Variants in KCNIP3 observed in about 807,000 individuals in gnomAD.
KCNIP3 encodes the protein potassium voltage-gated channel interacting protein 3.
A neutral mutation model predicts 35.0 loss-of-function variants in KCNIP3; 28 were observed. That is an observed-to-expected ratio of 0.80 (90% CI 0.59 to 1.10). KCNIP3 has a LOEUF of 1.10. Among genes scored for constraint, KCNIP3 ranks in the 50% least tolerant of loss-of-function variants. The pLI is 0.00. For missense variants in KCNIP3, 295 were observed against 338.4 expected (o/e 0.87, Z 1.01); for synonymous variants, 134 against 133.8 (o/e 1.00, Z -0.01).
Position 95,384,169 on chromosome 2 carries a change from T to C in KCNIP3, c.*120T>C, listed in dbSNP as rs1306751402. The C allele has an allele frequency of 1.6e-5, 8 of 513,304 alleles. No individual in the cohort carries two copies. The highest frequency in any genetic ancestry group is 2.3e-5 in the South Asian group (1 of 44,406). The allele number at this position is 513,304 out of a possible 1,614,324, so 31.8% of individuals were successfully genotyped here. On this transcript the variant is annotated 3_prime_UTR_variant, in exon 9 of 9. Coordinates refer to ENST00000295225, the MANE Select transcript of KCNIP3 (RefSeq NM_013434.5). ...GATTTGCAAAAAGTGAACAGATTGC[T>C]ACACACACACACACACACACACACA...
At chr2:95,352,589 C>CCCTA (rs1679555247) in intron 2 of KCNIP3, among the ~76,000 whole-genome samples, 2 of 152,142 alleles carry the variant, frequency 1.3e-5, no homozygotes, top group Admixed American at 6.5e-5. Context: ...CTCTCTCCCT[C>CCCTA]CCTACCTCTC....
chr2:95,311,634 G>A (rs1678320873), intron 2 of KCNIP3: 1 of 152,246 alleles, frequency 6.6e-6, no homozygotes, highest in African/African-American at 2.4e-5. Flanking sequence ...TGCACAAAGG[G>A]ACTGGCTGCT....
chr2:95,329,050 G>C (rs985184920), intron 2 of KCNIP3, among the ~76,000 whole-genome samples: 1 of 152,194 alleles, frequency 6.6e-6, no homozygotes, highest in Non-Finnish European at 1.5e-5. Context: ...CAGAGACCTT[G>C]GGCAAGTCAC....
chr2:95,310,304 G>A (rs752727224), intron 1 of KCNIP3, 51 bp from the exon 2 acceptor site: 2 of 1,610,894 alleles, frequency 1.2e-6, no homozygotes, highest in Non-Finnish European at 8.5e-7. Flanking sequence ...CCATCCAGGG[G>A]TCCCCCCTCT....
At chr2:95,374,062 G>T (rs1160254817) in intron 2 of KCNIP3, among the ~76,000 whole-genome samples, 1 of 152,254 alleles carries the variant, frequency 6.6e-6, no homozygotes. Flanking sequence ...ACACTGCAGG[G>T]GCTGCGATGG....
rs182140542 is a variant in KCNIP3, at chr2:95,374,146, G to A, written c.182-150G>A. The A allele has an allele frequency of 1.4e-3, 1,399 of 976,942 alleles. 5 individuals carry two copies. The highest frequency in any genetic ancestry group is 2.1e-3 in the Middle Eastern group (6 of 2,904). The allele number at this position is 976,942 out of a possible 1,614,324, so 60.5% of individuals were successfully genotyped here. A position where few individuals can be genotyped will look rare whatever the true frequency, so the allele number is the denominator to read the frequency against. The stretch of plus-strand genomic sequence containing the variant: ...TGGGCCACTCAGTCACACCCCCTCT[G>A]TGCAGTGCACAGCCTGTGTGGCTGT... On this transcript the variant is annotated intron_variant, in intron 2 of 8. Coordinates refer to ENST00000295225, the MANE Select transcript of KCNIP3 (RefSeq NM_013434.5).
intron 2 of KCNIP3, among the ~76,000 whole-genome samples, chr2:95,326,500 C>T (rs1253093633): frequency 2.6e-5 from 4 of 152,238 alleles, no homozygotes; most frequent in Non-Finnish European, 1.5e-5. Context: ...ACATGGCCTA[C>T]AGGACCTGTG....
intron 2 of KCNIP3, among the ~76,000 whole-genome samples, chr2:95,341,924 G>C (rs1274968111): frequency 6.6e-6 from 1 of 152,202 alleles, no homozygotes; most frequent in East Asian, 1.9e-4. Flanking sequence ...TCCCATTGCA[G>C]TAACTGCAAG....
chr2:95,339,570 T>G (rs1339839460), intron 2 of KCNIP3, among the ~76,000 whole-genome samples: 1 of 147,722 alleles, frequency 6.8e-6, no homozygotes, highest in Admixed American at 6.8e-5. Context: ...GGTGGCAGAG[T>G]AAGACCCTGT....
Position 95,378,529 on chromosome 2 carries a change from G to A in KCNIP3, c.448-3067G>A, listed in dbSNP as rs1345930081. On this transcript the variant is annotated intron_variant, in intron 5 of 8. Transcript: ENST00000295225. The surrounding 1 kb of genome is among the most constrained non-coding windows in gnomAD (Gnocchi z 4.0). ...GCGGTCAGATCACCTGAGGTCAGGA[G>A]TTTGAGACAAGCCTGGCCAACATAG... 2.0e-5 allele frequency among the ~76,000 whole-genome samples: 3 copies of A among 150,944 alleles called. No individual in the cohort carries two copies. Among genetic ancestry groups the A allele is most frequent in the Non-Finnish European group, 4.4e-5 (3 of 67,900 alleles).
chr2:95,310,241 G>T, intron 1 of KCNIP3, 114 bp from the exon 2 acceptor site: 1 of 1,253,640 alleles, frequency 8.0e-7, no homozygotes, highest in Non-Finnish European at 1.2e-6. Context: ...CGGAAGGTGA[G>T]CCCTCTGTTG....
chr2:95,306,209 C>A (rs1481526545), intron 1 of KCNIP3, among the ~76,000 whole-genome samples: 1 of 152,248 alleles, frequency 6.6e-6, no homozygotes, highest in Non-Finnish European at 1.5e-5. Context: ...TGGTGTCTCA[C>A]AGCGGTCCTC....
intron 2 of KCNIP3, among the ~76,000 whole-genome samples, chr2:95,358,646 A>AG (rs1206327304): frequency 6.6e-6 from 1 of 152,188 alleles, no homozygotes; most frequent in East Asian, 1.9e-4. Context: ...TATAAGACGG[A>AG]GGGGCTGGCA....
intron 2 of KCNIP3, among the ~76,000 whole-genome samples, chr2:95,323,323 G>A (rs1678642896): frequency 1.3e-5 from 2 of 152,200 alleles, no homozygotes; most frequent in Non-Finnish European, 1.5e-5. Context: ...GGGAAGGTGG[G>A]GAGAGGAGAC....
At chr2:95,379,441 C>A (rs1443182996) in intron 5 of KCNIP3, among the ~76,000 whole-genome samples, 2 of 138,886 alleles carry the variant, frequency 1.4e-5, no homozygotes, top group African/African-American at 5.5e-5. Context: ...CAGCCTCCCA[C>A]AGCTCCATCC....
chr2:95,342,392 G>T (rs1053837385), intron 2 of KCNIP3, among the ~76,000 whole-genome samples: 1 of 152,230 alleles, frequency 6.6e-6, no homozygotes. Context: ...CTGGTACATA[G>T]TAAGTGCTTT....
At position 95,378,973 on chromosome 2, in the gene KCNIP3, T is replaced by C. The variant is rs1680272685; in HGVS notation, c.448-2623T>C. On this transcript the variant is annotated intron_variant, in intron 5 of 8. Coordinates refer to ENST00000295225, the MANE Select transcript of KCNIP3 (RefSeq NM_013434.5). This position sits in a 1 kb window ranked among gnomAD's most constrained non-coding sequence, Gnocchi z 4.0. ...GTCCAACACATTCGCAGGGTGCACG[T>C]TGGAAAACCAGCAGGTGACCACCAC... Among the ~76,000 whole-genome samples, 1 of 152,010 alleles carries C rather than the reference T, an allele frequency of 6.6e-6. No individual in the cohort carries two copies. The highest frequency in any genetic ancestry group is 1.5e-5 in the Non-Finnish European group (1 of 68,006).
rs1680273129 is a variant in KCNIP3, at chr2:95,378,999, C to A, written c.448-2597C>A. On this transcript the variant is annotated intron_variant, in intron 5 of 8. Coordinates refer to ENST00000295225, the MANE Select transcript of KCNIP3 (RefSeq NM_013434.5). This position sits in a 1 kb window ranked among gnomAD's most constrained non-coding sequence, Gnocchi z 4.0. ...TGGAAAACCAGCAGGTGACCACCAC[C>A]TTGTCTGCTGTAGCCAGTCACCTGT... is the stretch of plus-strand genomic sequence containing the variant. 1.3e-5 allele frequency among the ~76,000 whole-genome samples: 2 copies of A among 152,094 alleles called. No homozygotes were observed. The highest frequency in any genetic ancestry group is 2.4e-5 in the African/African-American group (1 of 41,410).
intron 2 of KCNIP3, among the ~76,000 whole-genome samples, chr2:95,353,605 G>A (rs923018800): frequency 3.3e-5 from 5 of 152,166 alleles, no homozygotes; most frequent in African/African-American, 1.2e-4. Flanking sequence ...TTAGCCAGAG[G>A]GGGTGCTGAG....
Sources: gnomAD v4.1 joint callset for allele counts (sites outside exome capture counted in the v4.1 genomes callset) on GRCh38, gnomAD v4.1.1 for gene constraint, Gnocchi (gnomAD v3.1) non-coding constraint, MANE v1.5 for transcripts, NCBI Gene and HGNC (gene_info 2026-07-23, HGNC 2026-07-21) for gene names.